Variants in IGSF11 observed in about 807,000 individuals in gnomAD.
IGSF11 encodes immunoglobulin superfamily member 11, also known as CXADR like 1.
IGSF11 carries 22 observed loss-of-function variants against 41.0 expected under a neutral mutation model. The ratio of observed to expected loss-of-function variants is 0.54; its 90% confidence interval spans 0.38 to 0.77. The LOEUF is 0.77. Among genes scored for constraint, IGSF11 ranks in the 30% least tolerant of loss-of-function variants. The probability of loss-of-function intolerance (pLI) is 0.00; values close to 1 mark genes in which losing one functional copy is unlikely to be tolerated. For synonymous variants in IGSF11, 219 were observed against 201.3 expected (o/e 1.09, Z -0.74); for missense variants, 444 against 530.8 (o/e 0.84, Z 1.61).
chr3:119,003,784 G>A (rs2107677370), intron 1 of IGSF11, among the ~76,000 whole-genome samples: 1 of 151,500 alleles, frequency 6.6e-6, no homozygotes, highest in South Asian at 2.1e-4. Context: ...TGCGTATATT[G>A]AACCAGCCTT....
At chr3:118,910,030 T>C (rs182203094) in intron 4 of IGSF11, among the ~76,000 whole-genome samples, 2 of 152,326 alleles carry the variant, frequency 1.3e-5, no homozygotes, top group African/African-American at 2.4e-5. Context: ...CACACACTTA[T>C]CACATGGCAA....
intron 1 of IGSF11, among the ~76,000 whole-genome samples, chr3:119,143,533 C>T (rs1325305822): frequency 6.6e-6 from 1 of 151,874 alleles, no homozygotes; most frequent in Admixed American, 6.6e-5. Flanking sequence ...ATCAACTAAA[C>T]ACAAAGGATG....
intron 1 of IGSF11, among the ~76,000 whole-genome samples, chr3:119,011,593 A>C (rs1308824062): frequency 6.6e-6 from 1 of 152,144 alleles, no homozygotes; most frequent in African/African-American, 2.4e-5. Context: ...CCCTGGAAAG[A>C]AGAGGGCCAC....
At chr3:119,074,677 C>G (rs760556957) in intron 1 of IGSF11, among the ~76,000 whole-genome samples, 1 of 151,136 alleles carries the variant, frequency 6.6e-6, no homozygotes, top group Admixed American at 6.6e-5. Flanking sequence ...ATGGTGAAAC[C>G]CTGTCTCTAC....
At chr3:119,111,905 G>A (rs776986026) in intron 1 of IGSF11, among the ~76,000 whole-genome samples, 15 of 152,170 alleles carry the variant, frequency 9.9e-5, no homozygotes, top group Admixed American at 3.9e-4. Context: ...GCAGACCAGC[G>A]GATTTTCGTG....
chr3:119,045,524 A>G (rs1312685013), intron 1 of IGSF11, among the ~76,000 whole-genome samples: 1 of 152,154 alleles, frequency 6.6e-6, no homozygotes, highest in East Asian at 1.9e-4. Context: ...TTGCTAGCAC[A>G]GCAGTCTGAG....
intron 4 of IGSF11, among the ~76,000 whole-genome samples, chr3:118,909,131 T>C (rs540744692): frequency 4.6e-5 from 7 of 152,234 alleles, no homozygotes; most frequent in Admixed American, 6.5e-5. Flanking sequence ...AAATGTCTAG[T>C]GTCTCCCAAT....
At chr3:119,113,936 G>A (rs1016729562) in intron 1 of IGSF11, among the ~76,000 whole-genome samples, 1 of 152,256 alleles carries the variant, frequency 6.6e-6, no homozygotes, top group Non-Finnish European at 1.5e-5. Context: ...TTAACACCAT[G>A]TGGAAACCAC....
At chr3:119,000,439 C>A (rs1209334629) in intron 1 of IGSF11, among the ~76,000 whole-genome samples, 1 of 151,426 alleles carries the variant, frequency 6.6e-6, no homozygotes, top group Non-Finnish European at 1.5e-5. Context: ...GACTCTGGGA[C>A]TTCTGCAAAG....
rs774099618 is a variant in IGSF11, at chr3:118,998,020, C to T, written c.52+36511G>A. On this transcript the variant is annotated intron_variant, in intron 1 of 6. Coordinates refer to ENST00000393775, the MANE Select transcript of IGSF11 (RefSeq NM_001015887.3). ...AACATCAGTGTTTAACTACTGTATA[C>T]AAACACTTCAAGTTTAGTAAGCTGG... is the stretch of plus-strand genomic sequence containing the variant. Among the ~76,000 whole-genome samples the T allele has an allele frequency of 1.2e-4, 18 of 152,282 alleles. No individual in the cohort carries two copies. The East Asian group carries it at 3.5e-3, about 29-fold the overall frequency.
chr3:118,917,594 C>T (rs1463792777), intron 4 of IGSF11, among the ~76,000 whole-genome samples: 1 of 110,184 alleles, frequency 9.1e-6, no homozygotes, highest in East Asian at 2.9e-4. Context: ...ATAACAGGAG[C>T]TGAAATTGTG....
intron 1 of IGSF11, among the ~76,000 whole-genome samples, chr3:118,965,470 CT>C (rs1170286157): frequency 1.3e-5 from 2 of 150,906 alleles, no homozygotes; most frequent in Non-Finnish European, 3.0e-5. Flanking sequence ...TGTTTTGTTG[CT>C]TTTTTTTGGC....
At chr3:118,966,753 G>C (rs574850280) in intron 1 of IGSF11, among the ~76,000 whole-genome samples, 1 of 152,192 alleles carries the variant, frequency 6.6e-6, no homozygotes. Context: ...GTTTAAGAGA[G>C]TCAAGTGAAA....
chr3:118,937,051 A>T (rs1250738085), intron 1 of IGSF11, among the ~76,000 whole-genome samples: 1 of 152,238 alleles, frequency 6.6e-6, no homozygotes, highest in Non-Finnish European at 1.5e-5. Context: ...ATGACTATGA[A>T]GCAAGTGCTC....
intron 1 of IGSF11, among the ~76,000 whole-genome samples, chr3:119,028,306 G>C (rs1940021048): frequency 6.6e-6 from 1 of 152,138 alleles, no homozygotes; most frequent in African/African-American, 2.4e-5. Flanking sequence ...TGCCAGTCTT[G>C]CCAAACTCCC....
chr3:118,963,095 T>C (rs2107604780), intron 1 of IGSF11, among the ~76,000 whole-genome samples: 1 of 152,272 alleles, frequency 6.6e-6, no homozygotes, highest in Middle Eastern at 3.4e-3. Context: ...TGGGCTCTGG[T>C]GAACTATAGA....
chr3:118,977,965 C>G (rs1266711943), intron 1 of IGSF11, among the ~76,000 whole-genome samples: 1 of 152,176 alleles, frequency 6.6e-6, no homozygotes, highest in East Asian at 1.9e-4. Context: ...CATGCATTCT[C>G]ATGCATCCTG....
intron 4 of IGSF11, among the ~76,000 whole-genome samples, chr3:118,917,635 A>C (rs1346258302): frequency 1.8e-5 from 2 of 108,866 alleles, no homozygotes; most frequent in Non-Finnish European, 3.5e-5. Flanking sequence ...AACCAAAAAG[A>C]GTCCAGGACC....
chr3:118,939,865 T>C (rs374045037), intron 1 of IGSF11, among the ~76,000 whole-genome samples: 1 of 151,686 alleles, frequency 6.6e-6, no homozygotes, highest in Non-Finnish European at 1.5e-5. Context: ...CAAGACAGAG[T>C]AGAATTCAAT....
Sources: allele counts gnomAD v4.1 joint callset (sites outside exome capture counted in the v4.1 genomes callset), GRCh38; gene constraint gnomAD v4.1.1; transcripts MANE v1.5; gene names NCBI Gene and HGNC (gene_info 2026-07-23, HGNC 2026-07-21).